TMEM260: variants seen among roughly 807,000 people sequenced by gnomAD.
TMEM260 encodes the protein transmembrane protein 260.
In TMEM260, 82 loss-of-function variants were observed where a neutral mutation model predicts 88.9. That is an observed-to-expected ratio of 0.92 (90% CI 0.77 to 1.11). The LOEUF is 1.11. TMEM260 is among the 50% of genes least tolerant of loss of function. The probability of loss-of-function intolerance (pLI) is 0.00; values close to 1 mark genes in which losing one functional copy is unlikely to be tolerated. For synonymous variants in TMEM260, 314 were observed against 309.3 expected, an observed-to-expected ratio of 1.02 and a Z score of -0.16; for missense variants, 902 against 853.4, an observed-to-expected ratio of 1.06 and a Z score of -0.71.
intron 12 of TMEM260, among the ~76,000 whole-genome samples, chr14:56,627,476 A>C (rs1316080651): frequency 6.6e-6 from 1 of 152,216 alleles, no homozygotes; most frequent in Non-Finnish European, 1.5e-5. Context: ...TAAAACTATT[A>C]GGAGATATTT....
Position 56,618,680 on chromosome 14 carries a change from A to G in TMEM260, c.1143A>G (p.Arg381=). 1 of 1,614,186 alleles carries G rather than the reference A, an allele frequency of 6.2e-7. No homozygotes were observed. The highest frequency in any genetic ancestry group is 8.5e-7 in the Non-Finnish European group (1 of 1,180,030). Residue 381 remains arginine, a synonymous_variant, in exon 10 of 16, where the codon CGA becomes CGG. Transcript: ENST00000261556. ...CTGCAGTTGTGTCTGAGACTAACCG[A>G]GTGCTGAATAGCAATGGGCTTCAGT... ...GLAAVVSETN[R]VLNSNGLQCL...
intron 3 of TMEM260, among the ~76,000 whole-genome samples, chr14:56,592,492 C>T (rs1448781408): frequency 6.6e-6 from 1 of 152,134 alleles, no homozygotes; most frequent in Non-Finnish European, 1.5e-5. Flanking sequence ...GGAGGCTTAG[C>T]AGAACTTAGG....
chr14:56,641,645 G>A (rs1257545226), intron 15 of TMEM260, among the ~76,000 whole-genome samples: 1 of 152,180 alleles, frequency 6.6e-6, no homozygotes, highest in Non-Finnish European at 1.5e-5. Flanking sequence ...ATAATGACAG[G>A]ATCAAACTCA....
Position 56,595,153 on chromosome 14 carries a change from G to A in TMEM260, c.345-8662G>A, listed in dbSNP as rs569206973. On this transcript the variant is annotated intron_variant, in intron 3 of 15. Coordinates refer to ENST00000261556, the MANE Select transcript of TMEM260 (RefSeq NM_017799.4). ...AACTCATAATAAACAGATGATAAAA[G>A]TGCTTCTCAGTAATCTCTCTTAGCA... Among the ~76,000 whole-genome samples the A allele has an allele frequency of 3.9e-5, 6 of 152,314 alleles. No homozygotes were observed. The South Asian group carries it at 1.2e-3, about 32-fold the overall frequency.
upstream of TMEM260, chr14:56,579,639 C>G (rs1021638370): frequency 5.5e-6 from 2 of 364,594 alleles, no homozygotes; most frequent in African/African-American, 4.2e-5. Context: ...AGGGAATGCT[C>G]TCCTGGTGAT....
At chr14:56,596,138 C>A (rs1395284402) in intron 3 of TMEM260, among the ~76,000 whole-genome samples, 8 of 151,932 alleles carry the variant, frequency 5.3e-5, no homozygotes, top group African/African-American at 1.9e-4. Flanking sequence ...ACCAAAACAT[C>A]TTTTGTCTTA....
Position 56,618,598 on chromosome 14 carries a change from A to G in TMEM260, c.1061A>G (p.Glu354Gly). 6 of 1,613,786 alleles carry G rather than the reference A, an allele frequency of 3.7e-6. No homozygotes were observed. Among genetic ancestry groups the G allele is most frequent in the Non-Finnish European group, 5.1e-6 (6 of 1,179,934 alleles). ...GGTTGCATGTCTCTTTCACAGGTGG[A>G]ACGATTCTGGATGCAGAGCAATGCA... ...ISKPLFMGVVERFWMQSNAVV... is the reference protein window; with the variant it reads ...ISKPLFMGVVGRFWMQSNAVV... The change falls in exon 10 of 16, where the codon GAA (glutamate) becomes GGA (glycine). Residue 354 changes from glutamate to glycine, a missense_variant. Glu to Gly is a moderately conservative substitution (Grantham distance 98). Transcript: ENST00000261556.
intron 12 of TMEM260, among the ~76,000 whole-genome samples, chr14:56,632,557 G>C (rs1888694681): frequency 7.0e-6 from 1 of 143,542 alleles, no homozygotes. Context: ...CAAAAAATGG[G>C]GGGACTTTTC....
rs747603979 is a variant in TMEM260, at chr14:56,648,553, A to C, written c.*1056A>C. The C allele has an allele frequency of 6.6e-6, 1 of 152,548 alleles. No individual in the cohort carries two copies. Among genetic ancestry groups the C allele is most frequent in the Non-Finnish European group, 1.5e-5 (1 of 68,050 alleles). 9.4% of individuals were successfully genotyped at this position (152,548 alleles called of 1,614,324 possible). ...TAGAAATGCTCACTAATGAAGAGGG[A>C]GGGCTAGAAGCTTGTCTGCATTCAA... On this transcript the variant is annotated 3_prime_UTR_variant, in exon 16 of 16. Transcript: ENST00000261556.
intron 3 of TMEM260, among the ~76,000 whole-genome samples, chr14:56,592,261 T>C (rs1334259073): frequency 6.6e-6 from 1 of 152,218 alleles, no homozygotes; most frequent in Non-Finnish European, 1.5e-5. Context: ...ATATTTTAAA[T>C]TTTTTTAGGT....
At chr14:56,634,305 T>C (rs1888858759) in intron 13 of TMEM260, among the ~76,000 whole-genome samples, 1 of 152,216 alleles carries the variant, frequency 6.6e-6, no homozygotes. Context: ...ATCTAACATA[T>C]AGTTCTTATG....
downstream of TMEM260, among the ~76,000 whole-genome samples, chr14:56,653,278 AGTTTCAT>A (rs1890238045): frequency 6.6e-6 from 1 of 152,230 alleles, no homozygotes; most frequent in African/African-American, 2.4e-5. Context: ...TGGAACCTTC[AGTTTCAT>A]TTAAAATGTG....
intron 5 of TMEM260, 113 bp downstream of exon 5, chr14:56,605,796 A>G: frequency 1.6e-6 from 1 of 639,592 alleles, no homozygotes; most frequent in African/African-American, 1.9e-5. Flanking sequence ...CATGTAAAGC[A>G]TAAATAACCC....
At position 56,609,215 on chromosome 14, in the gene TMEM260, G is replaced by C. The variant is rs1216990825; in HGVS notation, c.746G>C (p.Trp249Ser). ...TACCTTAATCACGCCCGGTGGACCT[G>C]GGGAGACCAGACAACACTGCAAGGA... ...SSYLNHARWTWGDQTTLQGFL... is the reference protein window; with the variant it reads ...SSYLNHARWTSGDQTTLQGFL... Residue 249 changes from tryptophan (W) to serine (S), a missense_variant, in exon 6 of 16, where the codon TGG becomes TCG. Trp to Ser is a radical substitution (Grantham distance 177, BLOSUM62 -3). Coordinates refer to ENST00000261556, the MANE Select transcript of TMEM260 (RefSeq NM_017799.4). The C allele has an allele frequency of 6.2e-7, 1 of 1,613,938 alleles. No homozygotes were observed. The highest frequency in any genetic ancestry group is 1.3e-5 in the African/African-American group (1 of 74,880).
chr14:56,628,476 T>A (rs1337588031), intron 12 of TMEM260, among the ~76,000 whole-genome samples: 1 of 152,240 alleles, frequency 6.6e-6, no homozygotes, highest in Non-Finnish European at 1.5e-5. Context: ...CTTTGCCTAA[T>A]GCCAGATCAC....
At chr14:56,659,670 T>C in the TMEM260 span, among the ~76,000 whole-genome samples, 1 of 152,252 alleles carries the variant, frequency 6.6e-6, no homozygotes, top group South Asian at 2.1e-4. Context: ...GGATTATTCT[T>C]CCAGTCCGGG....
At chr14:56,660,036 A>G in the TMEM260 span, among the ~76,000 whole-genome samples, 1 of 152,222 alleles carries the variant, frequency 6.6e-6, no homozygotes, top group Non-Finnish European at 1.5e-5. Context: ...GGAATATTAA[A>G]CCTGCTACTA....
chr14:56,640,214 C>T (rs1190372356), intron 15 of TMEM260, among the ~76,000 whole-genome samples: 1 of 152,204 alleles, frequency 6.6e-6, no homozygotes, highest in African/African-American at 2.4e-5. Context: ...GGGTCCCTGA[C>T]CCCCGAGTAG....
intron 13 of TMEM260, among the ~76,000 whole-genome samples, chr14:56,634,486 T>C (rs912504994): frequency 6.6e-6 from 1 of 152,228 alleles, no homozygotes; most frequent in Non-Finnish European, 1.5e-5. Context: ...ACTGTCAGTA[T>C]TTCAAGATTC....
Sources: allele counts gnomAD v4.1 joint callset (sites outside exome capture counted in the v4.1 genomes callset), GRCh38; gene constraint gnomAD v4.1.1; transcripts MANE v1.5; gene names NCBI Gene and HGNC (gene_info 2026-07-23, HGNC 2026-07-21).